The following KIZ variants were observed in gnomAD, a reference collection of about 807,000 sequenced individuals.
The protein encoded by KIZ is centrosomal protein kizuna.
KIZ carries 68 observed loss-of-function variants against 79.6 expected under a neutral mutation model. The ratio of observed to expected loss-of-function variants is 0.85; its 90% CI spans 0.70 to 1.05. KIZ has a LOEUF of 1.05. Ranked by LOEUF, KIZ falls within the 50% of genes least tolerant of loss-of-function variation. KIZ has a pLI of 0.00. For synonymous variants in KIZ, 280 were observed against 281.8 expected (o/e 0.99, Z 0.06); for missense variants, 797 against 800.4 (o/e 1.00, Z 0.05).
intron 6 of KIZ, among the ~76,000 whole-genome samples, chr20:21,182,973 A>G (rs1260455528): frequency 6.6e-6 from 1 of 152,138 alleles, no homozygotes; most frequent in East Asian, 1.9e-4. Flanking sequence ...CTACTCTGGA[A>G]TGAGGCAAGG....
intron 9 of KIZ, among the ~76,000 whole-genome samples, chr20:21,222,138 C>G (rs1379104198): frequency 1.3e-5 from 2 of 152,210 alleles, no homozygotes; most frequent in African/African-American, 4.8e-5. Flanking sequence ...AAACAGTCCT[C>G]ATTATATTGC....
At chr20:21,215,759 C>A in intron 9 of KIZ, 111 bp downstream of exon 9, 1 of 595,398 alleles carries the variant, frequency 1.7e-6, no homozygotes, top group Non-Finnish European at 3.1e-6. Flanking sequence ...ATGTATTCAG[C>A]TACTGCATGC....
chr20:21,242,650 A>G (rs981629529), intron 11 of KIZ, among the ~76,000 whole-genome samples: 3 of 151,988 alleles, frequency 2.0e-5, no homozygotes, highest in Admixed American at 2.0e-4. Flanking sequence ...TGGGGAGACT[A>G]GTGGGTCAGG....
At chr20:21,152,984 G>A (rs2033193957) in intron 4 of KIZ, among the ~76,000 whole-genome samples, 3 of 152,254 alleles carry the variant, frequency 2.0e-5, no homozygotes, top group South Asian at 4.1e-4. Context: ...GTTCAGTAAT[G>A]CAATTTGAGT....
At chr20:21,217,883 A>G (rs2036358726) in intron 9 of KIZ, among the ~76,000 whole-genome samples, 1 of 152,194 alleles carries the variant, frequency 6.6e-6, no homozygotes, top group Admixed American at 6.5e-5. Context: ...TCAAAGAAGA[A>G]CATAAGTAGA....
chr20:21,243,045 G>C (rs1219097907), intron 11 of KIZ, among the ~76,000 whole-genome samples: 1 of 152,092 alleles, frequency 6.6e-6, no homozygotes, highest in Non-Finnish European at 1.5e-5. Context: ...GTTGCATTTA[G>C]TGTGTGTGTG....
chr20:21,224,694 G>A (rs928769184), intron 9 of KIZ, among the ~76,000 whole-genome samples: 1 of 152,056 alleles, frequency 6.6e-6, no homozygotes, highest in Non-Finnish European at 1.5e-5. Context: ...CAAAAGCAAT[G>A]GGCAGATTCC....
intron 9 of KIZ, chr20:21,218,668 T>C (rs2036393076): frequency 6.6e-6 from 1 of 152,258 alleles, no homozygotes; most frequent in South Asian, 2.1e-4. Flanking sequence ...ACAGAATTAA[T>C]GTTCTGTGGA....
chr20:21,243,170 G>A (rs1419098373), intron 11 of KIZ, among the ~76,000 whole-genome samples: 5 of 152,086 alleles, frequency 3.3e-5, no homozygotes, highest in African/African-American at 7.2e-5. Context: ...CCAGATGCTC[G>A]TAGGGGTCTT....
intron 7 of KIZ, among the ~76,000 whole-genome samples, chr20:21,208,500 G>A (rs1476180792): frequency 6.6e-6 from 1 of 152,144 alleles, no homozygotes; most frequent in Non-Finnish European, 1.5e-5. Flanking sequence ...TCAGGAGATC[G>A]AGACCATCTT....
At chr20:21,158,324 T>C (rs1227716570) in intron 4 of KIZ, 1 of 152,200 alleles carries the variant, frequency 6.6e-6, no homozygotes, top group Non-Finnish European at 1.5e-5. Flanking sequence ...ATGGCCTCTT[T>C]GGATGGTGAA....
chr20:21,156,403 G>T (rs750148373), intron 4 of KIZ, among the ~76,000 whole-genome samples: 2 of 152,048 alleles, frequency 1.3e-5, no homozygotes, highest in Non-Finnish European at 2.9e-5. Flanking sequence ...TTAGACGTAG[G>T]GTTATAATGG....
rs141102594 is a variant in KIZ at position 21,236,826 on chromosome 20, A to G, written c.1880+3996A>G. Among the ~76,000 whole-genome samples, 354 of 150,756 alleles carry G rather than the reference A, an allele frequency of 2.3e-3. 2 individuals are homozygous for G. The highest frequency in any genetic ancestry group is 8.3e-3 in the African/African-American group (341 of 40,958). On this transcript the variant is annotated intron_variant, in intron 11 of 12. Coordinates refer to ENST00000619189, the MANE Select transcript of KIZ (RefSeq NM_018474.6). ...CCTGGCCAACATGGTGAATATCCCT[A>G]TCTTTACTAAAAATACAAAAAAAAT...
At chr20:21,232,663 C>T (rs993215428) in intron 10 of KIZ, 71 bp from the exon 11 acceptor site, 49 of 770,904 alleles carry the variant, frequency 6.4e-5, no homozygotes, top group Non-Finnish European at 9.1e-5. Flanking sequence ...TACTGTGAGG[C>T]CACTTTATTC....
intron 6 of KIZ, among the ~76,000 whole-genome samples, chr20:21,173,347 A>G (rs370407853): frequency 3.3e-5 from 5 of 151,752 alleles, no homozygotes; most frequent in Non-Finnish European, 7.4e-5. Flanking sequence ...GGAGGCCAAG[A>G]TGGGTTGATC....
In KIZ at chr20:21,246,621, A is replaced by G; in HGVS notation, c.*45A>G. 8.9e-7 allele frequency: 1 copy of G among 1,129,862 alleles called. No homozygotes were observed. Among genetic ancestry groups the G allele is most frequent in the Non-Finnish European group, 1.3e-6 (1 of 759,794 alleles). 70.0% of individuals were successfully genotyped at this position (1,129,862 alleles called of 1,614,324 possible). On this transcript the variant is annotated 3_prime_UTR_variant, in exon 13 of 13. Coordinates refer to ENST00000619189, the MANE Select transcript of KIZ (RefSeq NM_018474.6). ...CAAATAAAGTCTTTAAACAAACTAA[A>G]ATCCTGTGTTAATATGTGATGTCCA...
intron 12 of KIZ, 120 bp downstream of exon 12, chr20:21,244,408 G>A: frequency 1.4e-6 from 1 of 719,000 alleles, no homozygotes; most frequent in Non-Finnish European, 2.5e-6. Context: ...CACAGGGACT[G>A]CCATTGCAGC....
chr20:21,235,334 G>A (rs968638270), intron 11 of KIZ, among the ~76,000 whole-genome samples: 7 of 152,144 alleles, frequency 4.6e-5, no homozygotes, highest in African/African-American at 1.4e-4. Context: ...TATAAATCAC[G>A]GGCAAGTAGG....
intron 3 of KIZ, among the ~76,000 whole-genome samples, chr20:21,140,831 A>T (rs2876594): frequency 0.6 from 91,190 of 151,592 alleles, 28,297 homozygotes; most frequent in South Asian, 0.77. Flanking sequence ...ATTTAAAAAT[A>T]AAATTTAAAA....
Sources: gnomAD v4.1 joint callset for allele counts (sites outside exome capture counted in the v4.1 genomes callset) on GRCh38, gnomAD v4.1.1 for gene constraint, MANE v1.5 for transcripts, NCBI Gene and HGNC (gene_info 2026-07-23, HGNC 2026-07-21) for gene names.